The following MB21D2 variants were observed in gnomAD, a reference collection of about 807,000 sequenced individuals.
MB21D2 encodes Mab-21 domain containing 2, also known as nucleotidyltransferase MB21D2.
A neutral mutation model predicts 33.3 loss-of-function variants in MB21D2; 9 were observed. The ratio of observed to expected loss-of-function variants is 0.27; its 90% CI spans 0.16 to 0.47. The LOEUF (loss-of-function observed/expected upper bound fraction) is 0.47, where lower values mean the gene tolerates loss of function less well. Among genes scored for constraint, MB21D2 ranks in the 20% least tolerant of loss-of-function variants. The probability of loss-of-function intolerance (pLI) is 0.99; values close to 1 mark genes in which losing one functional copy is unlikely to be tolerated. For synonymous variants in MB21D2, 241 were observed against 236.3 expected (o/e 1.02, Z -0.18); for missense variants, 540 against 624.6 (o/e 0.86, Z 1.44).
chr3:192,886,324 T>C (rs183522521), intron 1 of MB21D2, among the ~76,000 whole-genome samples: 30 of 152,294 alleles, frequency 2.0e-4, no homozygotes, highest in African/African-American at 6.7e-4. Flanking sequence ...ATAAAAATCA[T>C]ACTTGCTAAC....
intron 1 of MB21D2, among the ~76,000 whole-genome samples, chr3:192,873,372 T>G (rs1713353938): frequency 6.6e-6 from 1 of 152,078 alleles, no homozygotes; most frequent in Non-Finnish European, 1.5e-5. Flanking sequence ...AAATTGTAAT[T>G]TATAATATTT....
At chr3:192,869,255 C>T (rs112950618) in intron 1 of MB21D2, among the ~76,000 whole-genome samples, 7,971 of 102,686 alleles carry the variant, frequency 0.078, 538 homozygotes, top group East Asian at 0.22. Context: ...GACTCCATGT[C>T]AAAAAAAAAG....
intron 1 of MB21D2, among the ~76,000 whole-genome samples, chr3:192,911,024 G>A (rs1714341180): frequency 6.6e-6 from 1 of 152,216 alleles, no homozygotes; most frequent in Admixed American, 6.5e-5. Flanking sequence ...GAGGCTTAAA[G>A]TCTGAGTGAC....
At chr3:192,880,616 C>G (rs1713539461) in intron 1 of MB21D2, among the ~76,000 whole-genome samples, 1 of 152,046 alleles carries the variant, frequency 6.6e-6, no homozygotes. Context: ...GGGCGAGCAG[C>G]TGTCGGAGGG....
At position 192,853,205 on chromosome 3, in the gene MB21D2, C is replaced by T. The variant is rs201394099; in HGVS notation, c.212-53555G>A. ...GGTCTTTGAGACCAACCACACCCACCAACCACATCACCCCTCGAAGGTCTT... is the reference window on the plus strand; with the variant it reads ...GGTCTTTGAGACCAACCACACCCACTAACCACATCACCCCTCGAAGGTCTT... On this transcript the variant is annotated intron_variant, in intron 1 of 1. Coordinates refer to ENST00000392452, the MANE Select transcript of MB21D2 (RefSeq NM_178496.4). Among the ~76,000 whole-genome samples the T allele has an allele frequency of 3.3e-5, 5 of 152,276 alleles. No homozygotes were observed. In the East Asian group the frequency reaches 9.6e-4, roughly 29 times the overall value.
At chr3:192,809,590 A>G (rs1166345293) in intron 1 of MB21D2, among the ~76,000 whole-genome samples, 1 of 152,198 alleles carries the variant, frequency 6.6e-6, no homozygotes, top group Non-Finnish European at 1.5e-5. Context: ...ACTGTATAGG[A>G]AACAGTAAGT....
chr3:192,917,131 G>A (rs929641271), intron 1 of MB21D2, among the ~76,000 whole-genome samples: 1 of 152,256 alleles, frequency 6.6e-6, no homozygotes, highest in African/African-American at 2.4e-5. Flanking sequence ...CGCGCCGCGA[G>A]ACGACAGAAG....
intron 1 of MB21D2, among the ~76,000 whole-genome samples, chr3:192,824,397 T>G (rs1712123896): frequency 6.6e-6 from 1 of 151,952 alleles, no homozygotes; most frequent in Non-Finnish European, 1.5e-5. Context: ...AGAGGAAGCT[T>G]CTAGAAGAGG....
At chr3:192,819,765 CT>C (rs1553855930) in intron 1 of MB21D2, among the ~76,000 whole-genome samples, 4 of 152,204 alleles carry the variant, frequency 2.6e-5, no homozygotes, top group Non-Finnish European at 5.9e-5. Context: ...TCTAAAAAGA[CT>C]TTACTTTTCG....
chr3:192,808,245 G>T (rs1272850837), intron 1 of MB21D2, among the ~76,000 whole-genome samples: 1 of 152,182 alleles, frequency 6.6e-6, no homozygotes, highest in Non-Finnish European at 1.5e-5. Context: ...TATGCTGCAT[G>T]AACAGCTCCC....
chr3:192,809,287 G>T (rs1043134732), intron 1 of MB21D2, among the ~76,000 whole-genome samples: 1 of 152,150 alleles, frequency 6.6e-6, no homozygotes, highest in Admixed American at 6.5e-5. Flanking sequence ...GTAGAGATGG[G>T]GTTTCACCGT....
At chr3:192,880,201 G>GGAATCGTGCTACATAACAACC (rs1560248391) in intron 1 of MB21D2, among the ~76,000 whole-genome samples, 1 of 152,020 alleles carries the variant, frequency 6.6e-6, no homozygotes, top group African/African-American at 2.4e-5. Flanking sequence ...AAAAAAATTA[G>GGAATCGTGCTACATAACAACC]CCAGGCGTGG....
chr3:192,884,603 G>T (rs553647747), intron 1 of MB21D2, among the ~76,000 whole-genome samples: 1 of 151,962 alleles, frequency 6.6e-6, no homozygotes, highest in African/African-American at 2.4e-5. Context: ...TCCTGACCTC[G>T]TGATCTGCCC....
intron 1 of MB21D2, among the ~76,000 whole-genome samples, chr3:192,869,965 A>G: frequency 6.6e-6 from 1 of 152,252 alleles, no homozygotes; most frequent in East Asian, 1.9e-4. Context: ...AATAAACTGC[A>G]TATCAATAGT....
At chr3:192,911,888 A>G (rs1323579475) in intron 1 of MB21D2, among the ~76,000 whole-genome samples, 2 of 152,220 alleles carry the variant, frequency 1.3e-5, no homozygotes, top group Non-Finnish European at 2.9e-5. Context: ...TGCACTCTAC[A>G]GATGCAGCAC....
At chr3:192,870,801 G>A (rs998036900) in intron 1 of MB21D2, among the ~76,000 whole-genome samples, 7 of 148,168 alleles carry the variant, frequency 4.7e-5, no homozygotes, top group East Asian at 2.0e-4. Flanking sequence ...ATGCAAAACC[G>A]ATGTAGAAAC....
chr3:192,900,307 A>AAAAG lies in MB21D2; in HGVS notation c.211+17322_211+17323insCTTT, dbSNP rs1560255280. On this transcript the variant is annotated intron_variant, in intron 1 of 1. Coordinates refer to ENST00000392452, the MANE Select transcript of MB21D2 (RefSeq NM_178496.4). The stretch of plus-strand genomic sequence containing the variant: ...CTCAAAAAAAAAAAAAAAAAAAAAA[A>AAAAG]ATCACAGAAAGTGTTGAGGGGAGAA... Among the ~76,000 whole-genome samples the AAAAG allele has an allele frequency of 3.5e-5, 5 of 143,104 alleles. 1 individual carries two copies. The highest frequency in any genetic ancestry group is 5.2e-5 in the African/African-American group (2 of 38,190). 93.9% of individuals were successfully genotyped at this position (143,104 alleles called of 152,430 possible).
chr3:192,828,194 A>G (rs925473070), intron 1 of MB21D2, among the ~76,000 whole-genome samples: 1 of 152,094 alleles, frequency 6.6e-6, no homozygotes, highest in Non-Finnish European at 1.5e-5. Flanking sequence ...ATGGACTAAT[A>G]CGACGTTCTT....
intron 1 of MB21D2, among the ~76,000 whole-genome samples, chr3:192,852,628 C>G (rs955841630): frequency 5.9e-5 from 9 of 152,150 alleles, no homozygotes; most frequent in Non-Finnish European, 8.8e-5. Flanking sequence ...AATCCAAAAG[C>G]AATAAATACA....
Sources: allele counts gnomAD v4.1 joint callset (sites outside exome capture counted in the v4.1 genomes callset), GRCh38; gene constraint gnomAD v4.1.1; transcripts MANE v1.5; gene names NCBI Gene and HGNC (gene_info 2026-07-23, HGNC 2026-07-21).